The following CARD8 variants were observed in gnomAD, a reference collection of about 807,000 sequenced individuals.
CARD8 encodes caspase recruitment domain-containing protein 8.
In CARD8, 38 loss-of-function variants were observed where a neutral mutation model predicts 53.2. The ratio of observed to expected loss-of-function variants is 0.71; its 90% confidence interval spans 0.55 to 0.94. CARD8 has a LOEUF of 0.94. CARD8 is among the 40% of genes least tolerant of loss of function. CARD8 has a pLI of 0.00. For synonymous variants in CARD8, 245 were observed against 244.9 expected (o/e 1.00, Z 0.00); for missense variants, 561 against 655.5 (o/e 0.86, Z 1.57).
At chr19:48,231,970 C>T (rs1016400438) in intron 7 of CARD8, 160 bp from the exon 8 acceptor site, 20 of 709,780 alleles carry the variant, frequency 2.8e-5, no homozygotes, top group Non-Finnish European at 4.6e-5. Flanking sequence ...TGAATCCAGA[C>T]AAAGAAAGGC....
rs1445115104 is a variant in CARD8, at chr19:48,223,922, C to T, written c.1036-2067G>A. ...TTTATTGGATGAATAAATGGGTTTC[C>T]CTGGAACAGTACTGTTGAATAGAAA... On this transcript the variant is annotated intron_variant, in intron 10 of 13. Coordinates refer to ENST00000651546, the MANE Select transcript of CARD8 (RefSeq NM_001184900.3). 1.3e-5 allele frequency: 6 copies of T among 455,790 alleles called. No homozygotes were observed. The East Asian group carries it at 3.5e-4, about 26-fold the overall frequency. The allele number at this position is 455,790 out of a possible 1,614,324, so 28.2% of individuals were successfully genotyped here. A position where few individuals can be genotyped will look rare whatever the true frequency, so the allele number is the denominator to read the frequency against.
chr19:48,212,285 A>G (rs565664320), intron 13 of CARD8, among the ~76,000 whole-genome samples: 1 of 152,206 alleles, frequency 6.6e-6, no homozygotes, highest in Non-Finnish European at 1.5e-5. Flanking sequence ...CTGTACATAC[A>G]TTTATATATA....
intron 10 of CARD8, among the ~76,000 whole-genome samples, chr19:48,228,751 G>A (rs563607540): frequency 1.1e-4 from 16 of 152,136 alleles, no homozygotes; most frequent in African/African-American, 2.9e-4. Context: ...AGAGATTGAC[G>A]GTGGAGGGGA....
intron 12 of CARD8, among the ~76,000 whole-genome samples, chr19:48,215,798 T>C (rs1312309430): frequency 1.3e-5 from 2 of 152,194 alleles, no homozygotes; most frequent in African/African-American, 4.8e-5. Context: ...CCCTTATAAG[T>C]TGATAGAAGA....
At chr19:48,232,635 T>G (rs1395430152) in intron 6 of CARD8, 142 bp from the exon 7 acceptor site, 4 of 762,444 alleles carry the variant, frequency 5.2e-6, no homozygotes, top group Non-Finnish European at 9.0e-6. Context: ...TAAATTTGTA[T>G]GAATTAAACT....
rs750097954 is a variant in CARD8, at chr19:48,211,755, T to G, written c.1569A>C (p.Glu523Asp). 2 of 1,614,054 alleles carry G rather than the reference T, an allele frequency of 1.2e-6. No homozygotes were observed. Among genetic ancestry groups the G allele is most frequent in the African/African-American group, 2.7e-5 (2 of 74,908 alleles). Residue 523 changes from glutamate to aspartate, a missense_variant, in exon 14 of 14, where the codon GAA (glutamate) becomes GAC (aspartate). Glu to Asp is a conservative substitution (Grantham distance 45). Transcript: ENST00000651546. ...ALDVLFRSIS[E>D]RDPYLVSYLR... is the part of the protein sequence containing the mutation. ...GATAGGACACGAGGTAAGGGTCCCT[T>G]TCACTAATGCTTCTGAAGAGCACGT...
chr19:48,252,835 A>ACACACC (rs2047111390), intron 1 of CARD8, among the ~76,000 whole-genome samples: 1 of 151,574 alleles, frequency 6.6e-6, no homozygotes, highest in Non-Finnish European at 1.5e-5. Flanking sequence ...ACACACACAC[A>ACACACC]CATATGTGTA....
chr19:48,223,955 C>A, intron 10 of CARD8: 1 of 448,744 alleles, frequency 2.2e-6, no homozygotes, highest in Non-Finnish European at 4.5e-6. Context: ...AAATGTACTG[C>A]AACCCCCAAA....
chr19:48,231,931 A>T, intron 7 of CARD8, 121 bp from the exon 8 acceptor site: 1 of 850,464 alleles, frequency 1.2e-6, no homozygotes, highest in Non-Finnish European at 2.0e-6. Flanking sequence ...GAGAGCTGAG[A>T]GTGACCAGAA....
At position 48,209,299 on chromosome 19, in the gene CARD8, A is replaced by C. The variant is rs989040682; in HGVS notation, c.*2411T>G. The stretch of plus-strand genomic sequence containing the variant: ...TAACAGAGTTGAGACCCTGTCTTGA[A>C]AAAAAAAAAGCTCAAACAAGCAAAT... On this transcript the variant is annotated 3_prime_UTR_variant, in exon 14 of 14. Coordinates refer to ENST00000651546, the MANE Select transcript of CARD8 (RefSeq NM_001184900.3). 16 of 150,438 alleles carry C rather than the reference A, an allele frequency of 1.1e-4. No individual in the cohort carries two copies. The highest frequency in any genetic ancestry group is 3.9e-4 in the African/African-American group (16 of 41,174). 9.3% of individuals were successfully genotyped at this position (150,438 alleles called of 1,614,324 possible). A position where few individuals can be genotyped will look rare whatever the true frequency, so the allele number is the denominator to read the frequency against.
At position 48,211,390 on chromosome 19, in the gene CARD8, C is replaced by CCTTT. The variant is rs1273604023; in HGVS notation, c.*319_*320insAAAG. The CCTTT allele has an allele frequency of 4.4e-6, 1 of 225,904 alleles. No individual in the cohort carries two copies. The highest frequency in any genetic ancestry group is 8.7e-6 in the Non-Finnish European group (1 of 114,428). 14.0% of individuals were successfully genotyped at this position (225,904 alleles called of 1,614,324 possible). Reference sequence around the variant, plus strand: ...AGTTGCCTTTCCAGGCCCCATCCTTCATAAACACACCTATCCGGATGTCCT... The same window carrying CCTTT: ...AGTTGCCTTTCCAGGCCCCATCCTTCCTTTATAAACACACCTATCCGGATGTCCT... On this transcript the variant is annotated 3_prime_UTR_variant, in exon 14 of 14. Coordinates refer to ENST00000651546, the MANE Select transcript of CARD8 (RefSeq NM_001184900.3).
chr19:48,226,066 A>T (rs1397096299), intron 10 of CARD8, among the ~76,000 whole-genome samples: 2 of 151,788 alleles, frequency 1.3e-5, no homozygotes, highest in Non-Finnish European at 2.9e-5. Context: ...AAAAAAAAAA[A>T]AAAAAAGCCA....
chr19:48,238,977 T>A (rs1359090036), intron 4 of CARD8, among the ~76,000 whole-genome samples: 1 of 152,250 alleles, frequency 6.6e-6, no homozygotes, highest in African/African-American at 2.4e-5. Context: ...CTGATGTTCA[T>A]CACGGTCTGT....
chr19:48,231,625 G>A (rs2042904450), intron 8 of CARD8, 35 bp downstream of exon 8: 1 of 1,554,990 alleles, frequency 6.4e-7, no homozygotes. Context: ...TTATATCAGA[G>A]TGGTTTTCAA....
rs1350490867 is a variant in CARD8 at position 48,230,474 on chromosome 19, G to A, written c.999C>T (p.His333=). 1 of 1,613,454 alleles carries A rather than the reference G, an allele frequency of 6.2e-7. No homozygotes were observed. Among genetic ancestry groups the A allele is most frequent in the Admixed American group, 1.7e-5 (1 of 59,974 alleles). Residue 333 remains histidine (H), a synonymous_variant, in exon 10 of 14, where the codon CAC becomes CAT. Transcript: ENST00000651546. ...AGGCGTCGCTGGGGACAAGGTACAA[G>A]TGGAACTTAATATCTTCGGGGTGGG... ...YHPHPEDIKF[H]LYLVPSDALL...
At chr19:48,252,741 G>A (rs1383607040) in intron 1 of CARD8, among the ~76,000 whole-genome samples, 5 of 151,198 alleles carry the variant, frequency 3.3e-5, no homozygotes, top group Admixed American at 1.3e-4. Flanking sequence ...CAAGTGAACC[G>A]CCTGTGTCAG....
At chr19:48,242,031 C>T (rs1306487074) in intron 3 of CARD8, among the ~76,000 whole-genome samples, 2 of 152,188 alleles carry the variant, frequency 1.3e-5, no homozygotes, top group Non-Finnish European at 2.9e-5. Context: ...CCCACGCATC[C>T]ACCTTCTGTC....
chr19:48,221,972 T>A, intron 10 of CARD8, 117 bp from the exon 11 acceptor site: 1 of 734,476 alleles, frequency 1.4e-6, no homozygotes, highest in East Asian at 2.8e-5. Flanking sequence ...TCAATTGATA[T>A]AAAGATTAAG....
intron 3 of CARD8, among the ~76,000 whole-genome samples, chr19:48,248,176 T>G (rs922121409): frequency 2.3e-4 from 35 of 152,320 alleles, no homozygotes; most frequent in Non-Finnish European, 4.3e-4. Flanking sequence ...TAGTATTTTA[T>G]GTGACATTGG....
Sources: gnomAD v4.1 joint callset for allele counts (sites outside exome capture counted in the v4.1 genomes callset) on GRCh38, gnomAD v4.1.1 for gene constraint, MANE v1.5 for transcripts, NCBI Gene and HGNC (gene_info 2026-07-23, HGNC 2026-07-21) for gene names.